Variants in SLTM observed in about 807,000 individuals in gnomAD.
SLTM encodes the protein SAFB-like transcription modulator.
SLTM carries 43 observed loss-of-function variants against 134.6 expected under a neutral mutation model. The ratio of observed to expected loss-of-function variants is 0.32; its 90% confidence interval spans 0.25 to 0.41. The LOEUF (loss-of-function observed/expected upper bound fraction) is 0.41. Among genes scored for constraint, SLTM ranks in the 10% least tolerant of loss-of-function variants. The pLI is 1.00. For missense variants in SLTM, 1,055 were observed against 1,288.8 expected (o/e 0.82, Z 2.78); for synonymous variants, 424 against 432.3 (o/e 0.98, Z 0.24).
chr15:58,880,321 G>A (rs1362107002), intron 20 of SLTM, among the ~76,000 whole-genome samples: 1 of 152,202 alleles, frequency 6.6e-6, no homozygotes, highest in African/African-American at 2.4e-5. Flanking sequence ...ATAAAATGGT[G>A]AAGCAGAGAT....
intron 3 of SLTM, among the ~76,000 whole-genome samples, chr15:58,916,178 C>CT (rs11455727): frequency 0.62 from 85,420 of 138,584 alleles, 27,661 homozygotes; most frequent in Middle Eastern, 0.77. Context: ...CTCTCTCTCT[C>CT]TTTTTTTTTT....
Position 58,879,772 on chromosome 15 carries a change from C to G in SLTM, c.*227G>C. 1 of 443,354 alleles carries G rather than the reference C, an allele frequency of 2.3e-6. No individual in the cohort carries two copies. The highest frequency in any genetic ancestry group is 2.0e-5 in the African/African-American group (1 of 49,764). 27.5% of individuals were successfully genotyped at this position (443,354 alleles called of 1,614,324 possible). ...CAATTCCATCTTTTCAAATGTGCCT[C>G]GGTGCTGCAAGAAAAAAAGTTGAAT... On this transcript the variant is annotated 3_prime_UTR_variant, in exon 21 of 21. Transcript: ENST00000380516.
In SLTM at chr15:58,911,061, C is replaced by T. The variant is rs1159265798; in HGVS notation, c.561+1502G>A. Among the ~76,000 whole-genome samples, 4 of 152,204 alleles carry T rather than the reference C, an allele frequency of 2.6e-5. No homozygotes were observed. The East Asian group carries it at 5.8e-4, about 22-fold the overall frequency. On this transcript the variant is annotated intron_variant, in intron 5 of 20. Transcript: ENST00000380516. Reference sequence around the variant, plus strand: ...GCCTGGCCCCTCATAGATTCTTTATCACTAGGAAATCAATGTACTTAGGGA... The same window carrying T: ...GCCTGGCCCCTCATAGATTCTTTATTACTAGGAAATCAATGTACTTAGGGA...
At position 58,912,590 on chromosome 15, in the gene SLTM, A is replaced by G; in HGVS notation, c.534T>C (p.Gly178=). 1.2e-6 allele frequency: 2 copies of G among 1,610,214 alleles called. No homozygotes were observed. The highest frequency in any genetic ancestry group is 1.7e-6 in the Non-Finnish European group (2 of 1,177,824). The change falls in exon 5 of 21, where the codon GGT becomes GGC. Residue 178 remains glycine, a synonymous_variant. Coordinates refer to ENST00000380516, the MANE Select transcript of SLTM (RefSeq NM_024755.4). ...GGGCTGTTAGAAAGGTATCATCTTC[A>G]CCTTCTTGAGCTTCAATTTCCTAAG... ...IESQEIEAQE[G]EDDTFLTAQD...
At chr15:58,904,368 T>C (rs2035716444) in intron 5 of SLTM, among the ~76,000 whole-genome samples, 1 of 152,096 alleles carries the variant, frequency 6.6e-6, no homozygotes, top group South Asian at 2.1e-4. Context: ...TAAGTTAAAG[T>C]GTGCCAATTA....
chr15:58,932,180 G>C, intron 2 of SLTM, 176 bp downstream of exon 2: 1 of 570,246 alleles, frequency 1.8e-6, no homozygotes, highest in Non-Finnish European at 3.2e-6. Context: ...AATCTTAAGG[G>C]CTACAAGTCA....
intron 5 of SLTM, among the ~76,000 whole-genome samples, chr15:58,907,791 G>C: frequency 6.6e-6 from 1 of 152,050 alleles, no homozygotes; most frequent in South Asian, 2.1e-4. Context: ...TATATCAACT[G>C]AGTAAGAATT....
intron 2 of SLTM, among the ~76,000 whole-genome samples, chr15:58,926,464 T>C (rs1420763089): frequency 9.9e-5 from 15 of 152,160 alleles, no homozygotes; most frequent in African/African-American, 2.9e-4. Flanking sequence ...TTGATTACTA[T>C]ATTAGATTAA....
intron 19 of SLTM, 149 bp downstream of exon 19, chr15:58,886,826 T>C: frequency 1.0e-6 from 1 of 972,202 alleles, no homozygotes. Context: ...ATTCAGATTT[T>C]AAAAATTTAA....
At chr15:58,912,642 T>G in intron 4 of SLTM, 32 bp from the exon 5 acceptor site, 1 of 1,561,136 alleles carries the variant, frequency 6.4e-7, no homozygotes, top group Non-Finnish European at 8.7e-7. Flanking sequence ...AGCTTTGCTT[T>G]ATAAAATATC....
At chr15:58,902,870 C>T (rs1410925459) in intron 5 of SLTM, among the ~76,000 whole-genome samples, 1 of 151,034 alleles carries the variant, frequency 6.6e-6, no homozygotes. Flanking sequence ...ATTACAGGCA[C>T]CTGCCACCAC....
rs777266979 is a variant in SLTM at position 58,899,105 on chromosome 15, G to A, written c.1059-253C>T. ...ATATGGCCATCTTCTCCAGATTTCA[G>A]GACTGGGACTTGACTTCATTTTGTG... On this transcript the variant is annotated intron_variant, in intron 7 of 20. Transcript: ENST00000380516. The surrounding 1 kb of genome is among the most constrained non-coding windows in gnomAD (Gnocchi z 5.0). 1 of 441,800 alleles carries A rather than the reference G, an allele frequency of 2.3e-6. No individual in the cohort carries two copies. Among genetic ancestry groups the A allele is most frequent in the Non-Finnish European group, 4.0e-6 (1 of 251,038 alleles). The allele number at this position is 441,800 out of a possible 1,614,324, so 27.4% of individuals were successfully genotyped here.
intron 20 of SLTM, among the ~76,000 whole-genome samples, chr15:58,880,858 G>A (rs1204661077): frequency 2.6e-5 from 4 of 151,850 alleles, no homozygotes; most frequent in Non-Finnish European, 4.4e-5. Flanking sequence ...GAGCCACCAC[G>A]CCCGGCCAAC....
chr15:58,920,300 G>C (rs1342387016), intron 2 of SLTM, among the ~76,000 whole-genome samples: 2 of 151,906 alleles, frequency 1.3e-5, no homozygotes, highest in African/African-American at 2.4e-5. Flanking sequence ...ATGCCTGAGA[G>C]ACAGAGCGAC....
At position 58,893,812 on chromosome 15, in the gene SLTM, A is replaced by G. The variant is rs1325110525; in HGVS notation, c.1648+9T>C. The G allele has an allele frequency of 1.2e-6, 2 of 1,603,806 alleles. No individual in the cohort carries two copies. Among genetic ancestry groups the G allele is most frequent in the Non-Finnish European group, 8.5e-7 (1 of 1,177,366 alleles). On this transcript the variant is annotated intron_variant, in intron 12 of 20. Transcript: ENST00000380516. ...CATTAGAAAGGGATTGAAAAGATGT[A>G]TAGCATACTTATTCGCTTCTTTTCT...
intron 2 of SLTM, among the ~76,000 whole-genome samples, chr15:58,919,338 T>C (rs768471605): frequency 1.5e-4 from 23 of 152,168 alleles, no homozygotes; most frequent in Admixed American, 7.9e-4. Flanking sequence ...CTACTGCCTG[T>C]AATCCCAGCA....
At chr15:58,893,707 A>G (rs1404360679) in intron 12 of SLTM, 114 bp downstream of exon 12, 5 of 1,153,306 alleles carry the variant, frequency 4.3e-6, no homozygotes, top group Admixed American at 5.0e-5. Context: ...TCCTACCACA[A>G]TGACACCTAA....
At chr15:58,890,810 C>T (rs558900684) in intron 14 of SLTM, among the ~76,000 whole-genome samples, 3 of 152,220 alleles carry the variant, frequency 2.0e-5, no homozygotes, top group Non-Finnish European at 4.4e-5. Flanking sequence ...CTACAACTTC[C>T]AACACTTGTT....
At chr15:58,929,597 C>T (rs1026572037) in intron 2 of SLTM, among the ~76,000 whole-genome samples, 1 of 152,032 alleles carries the variant, frequency 6.6e-6, no homozygotes, top group Admixed American at 6.5e-5. Flanking sequence ...CATCTTAATT[C>T]TTTTTTAAAA....
Sources: gnomAD v4.1 joint callset for allele counts (sites outside exome capture counted in the v4.1 genomes callset) on GRCh38, gnomAD v4.1.1 for gene constraint, Gnocchi (gnomAD v3.1) non-coding constraint, MANE v1.5 for transcripts, NCBI Gene and HGNC (gene_info 2026-07-23, HGNC 2026-07-21) for gene names.